Variants in RAB30 observed in about 807,000 individuals in gnomAD.
RAB30 encodes the protein RAB30, member RAS oncogene family.
A neutral mutation model predicts 25.1 loss-of-function variants in RAB30; 9 were observed. The observed-to-expected ratio is 0.36, with a 90% CI of 0.22 to 0.63. The LOEUF is 0.63. Ranked by LOEUF, RAB30 falls within the 20% of genes least tolerant of loss-of-function variation. The pLI, the probability that RAB30 is intolerant of heterozygous loss-of-function variation, is 0.69. For missense variants in RAB30, 140 were observed against 243.5 expected, an observed-to-expected ratio of 0.58 and a Z score of 2.83; for synonymous variants, 77 against 86.4, an observed-to-expected ratio of 0.89 and a Z score of 0.60.
At chr11:83,007,799 G>A (rs1201285932) in intron 1 of RAB30, among the ~76,000 whole-genome samples, 1 of 152,118 alleles carries the variant, frequency 6.6e-6, no homozygotes, top group African/African-American at 2.4e-5. Flanking sequence ...TTTGTTTCCT[G>A]GGGGAAGAAA....
rs1039273144 is a variant in RAB30 at position 83,012,039 on chromosome 11, G to T, written c.-8-14715C>A. Among the ~76,000 whole-genome samples the T allele has an allele frequency of 2.0e-5, 3 of 152,162 alleles. No homozygotes were observed. The South Asian group carries it at 6.2e-4, about 32-fold the overall frequency. On this transcript the variant is annotated intron_variant, in intron 1 of 4. Coordinates refer to ENST00000527633, the MANE Select transcript of RAB30 (RefSeq NM_001286060.2). ...CCACTGAGGGGCTCAGTTTCTGCAGGAGTGTGATACTTTTGTGCTTTTCAA... is the reference window on the plus strand; with the variant it reads ...CCACTGAGGGGCTCAGTTTCTGCAGTAGTGTGATACTTTTGTGCTTTTCAA...
chr11:83,052,424 G>C (rs750582656), intron 1 of RAB30, among the ~76,000 whole-genome samples: 1 of 152,114 alleles, frequency 6.6e-6, no homozygotes, highest in Non-Finnish European at 1.5e-5. Context: ...GGAATACCAG[G>C]GAAGAGAAAT....
rs1265150884 is a variant in RAB30 at position 82,981,276 on chromosome 11, C to G, written c.*889G>C. On this transcript the variant is annotated 3_prime_UTR_variant, in exon 5 of 5. Coordinates refer to ENST00000527633, the MANE Select transcript of RAB30 (RefSeq NM_001286060.2). The stretch of plus-strand genomic sequence containing the variant: ...GTTTTTATATTAGAATGTCATCAAC[C>G]ATTTGTTTATTTTTTTCATTTTGCA... 13 of 152,134 alleles carry G rather than the reference C, an allele frequency of 8.5e-5. No homozygotes were observed. The highest frequency in any genetic ancestry group is 8.5e-4 in the Admixed American group (13 of 15,280). The allele number at this position is 152,134 out of a possible 1,614,324, so 9.4% of individuals were successfully genotyped here.
intron 1 of RAB30, among the ~76,000 whole-genome samples, chr11:83,004,193 G>C (rs1383991072): frequency 6.6e-6 from 1 of 152,126 alleles, no homozygotes; most frequent in African/African-American, 2.4e-5. Flanking sequence ...ATATTTTATA[G>C]CATTTGAAAT....
intron 1 of RAB30, among the ~76,000 whole-genome samples, chr11:83,020,904 G>C (rs1236701444): frequency 6.6e-6 from 1 of 152,044 alleles, no homozygotes; most frequent in Non-Finnish European, 1.5e-5. Flanking sequence ...TGCCCGCAGA[G>C]AGGAGCCACT....
chr11:83,016,372 T>C (rs1455114507), intron 1 of RAB30, among the ~76,000 whole-genome samples: 3 of 152,184 alleles, frequency 2.0e-5, no homozygotes, highest in African/African-American at 7.2e-5. Flanking sequence ...TGTCAACAGA[T>C]TTTTAAGTTA....
intron 1 of RAB30, among the ~76,000 whole-genome samples, chr11:83,001,923 G>A (rs746895798): frequency 2.0e-5 from 3 of 151,966 alleles, no homozygotes; most frequent in Non-Finnish European, 4.4e-5. Context: ...TTATGTCCTG[G>A]GTACTCTTCT....
intron 1 of RAB30, among the ~76,000 whole-genome samples, chr11:83,020,251 G>C (rs1590857720): frequency 6.6e-6 from 1 of 152,240 alleles, no homozygotes; most frequent in African/African-American, 2.4e-5. Context: ...CCGCTTGCCT[G>C]TGCAGGCTCA....
chr11:83,015,978 A>C (rs1455510013), intron 1 of RAB30, among the ~76,000 whole-genome samples: 1 of 152,108 alleles, frequency 6.6e-6, no homozygotes, highest in East Asian at 1.9e-4. Context: ...TCTCTACAAA[A>C]AATACAAAAA....
chr11:82,998,711 GAA>G (rs112489317), intron 1 of RAB30, among the ~76,000 whole-genome samples: 1 of 138,112 alleles, frequency 7.2e-6, no homozygotes, highest in African/African-American at 2.6e-5. Flanking sequence ...GTTAAATAAT[GAA>G]AAAAAAAAAA....
intron 1 of RAB30, among the ~76,000 whole-genome samples, chr11:83,017,421 G>GT (rs759490968): frequency 6.6e-5 from 10 of 152,062 alleles, no homozygotes; most frequent in African/African-American, 1.9e-4. Context: ...GGAACAGGTG[G>GT]TTTTTTGTTA....
intron 1 of RAB30, among the ~76,000 whole-genome samples, chr11:83,063,601 G>A (rs996672010): frequency 1.3e-5 from 2 of 152,130 alleles, no homozygotes; most frequent in African/African-American, 2.4e-5. Context: ...CAGGAACTCC[G>A]TAGTTCAATT....
chr11:82,998,692 A>G (rs778074288), intron 1 of RAB30, among the ~76,000 whole-genome samples: 10 of 151,518 alleles, frequency 6.6e-5, no homozygotes, highest in Non-Finnish European at 1.3e-4. Flanking sequence ...CAAGACCAAC[A>G]TGAGAAAAGT....
intron 1 of RAB30, among the ~76,000 whole-genome samples, chr11:83,043,355 GATCA>G (rs1441092504): frequency 6.6e-6 from 1 of 152,188 alleles, no homozygotes; most frequent in Non-Finnish European, 1.5e-5. Flanking sequence ...GAGCCCAGTT[GATCA>G]GCTGAGCCTA....
rs1439416378 is a variant in RAB30, at chr11:82,977,112, C to T, written c.*5053G>A. 1 of 152,200 alleles carries T rather than the reference C, an allele frequency of 6.6e-6. No homozygotes were observed. Among genetic ancestry groups the T allele is most frequent in the African/African-American group, 2.4e-5 (1 of 41,450 alleles). 9.4% of individuals were successfully genotyped at this position (152,200 alleles called of 1,614,324 possible). ...GCCTATCCTAAAATCTTGAAAGAGA[C>T]ACCCATTATTTATTAAACAGAGCAA... is the stretch of plus-strand genomic sequence containing the variant. On this transcript the variant is annotated 3_prime_UTR_variant, in exon 5 of 5. Coordinates refer to ENST00000527633, the MANE Select transcript of RAB30 (RefSeq NM_001286060.2).
At chr11:83,061,172 C>T (rs1172514410) in intron 1 of RAB30, among the ~76,000 whole-genome samples, 6 of 152,154 alleles carry the variant, frequency 3.9e-5, no homozygotes, top group African/African-American at 1.4e-4. Flanking sequence ...TCTCAACCTC[C>T]ATAATCACAC....
chr11:83,014,640 A>AAGAAAGAAAG (rs1387346993), intron 1 of RAB30, among the ~76,000 whole-genome samples: 2 of 80,454 alleles, frequency 2.5e-5, no homozygotes, highest in East Asian at 6.4e-4. Flanking sequence ...AAGAAAAAGA[A>AAGAAAGAAAG]AGAAAGAAAG....
intron 1 of RAB30, among the ~76,000 whole-genome samples, chr11:83,028,441 A>G (rs1458852496): frequency 2.0e-5 from 3 of 152,174 alleles, no homozygotes; most frequent in East Asian, 3.8e-4. Context: ...AAAATTTCAG[A>G]GAACTGAAGG....
At chr11:83,000,404 C>T (rs1857051809) in intron 1 of RAB30, among the ~76,000 whole-genome samples, 1 of 152,214 alleles carries the variant, frequency 6.6e-6, no homozygotes, top group African/African-American at 2.4e-5. Flanking sequence ...CAAAGTCAAA[C>T]TCCTGATAAA....
Sources: gnomAD v4.1 joint callset for allele counts (sites outside exome capture counted in the v4.1 genomes callset) on GRCh38, gnomAD v4.1.1 for gene constraint, MANE v1.5 for transcripts, NCBI Gene and HGNC (gene_info 2026-07-23, HGNC 2026-07-21) for gene names.